ITGA11: variants seen among roughly 807,000 people sequenced by gnomAD.
ITGA11 encodes the protein integrin alpha-11.
In ITGA11, 97 loss-of-function variants were observed where a neutral mutation model predicts 141.9. The observed-to-expected ratio is 0.68, with a 90% CI of 0.58 to 0.81. The LOEUF (loss-of-function observed/expected upper bound fraction) is 0.81, where lower values mean the gene tolerates loss of function less well. Ranked by LOEUF, ITGA11 falls within the 30% of genes least tolerant of loss-of-function variation. The pLI is 0.00. For missense variants in ITGA11, 1,387 were observed against 1,559.2 expected (o/e 0.89, Z 1.86); for synonymous variants, 658 against 624.6 (o/e 1.05, Z -0.80).
rs781116408 is a variant in ITGA11 at position 68,358,530 on chromosome 15, G to A, written c.528C>T (p.Tyr176=). The change falls in exon 6 of 30, where the codon TAC becomes TAT. Residue 176 remains tyrosine, a synonymous_variant. Coordinates refer to ENST00000315757, the MANE Select transcript of ITGA11 (RefSeq NM_001004439.2). ...GGAAGTGCTGAACCTCCACCCAGGG[G>A]TAGATGCTGTTGGAGCCATCCAGGA... ...VIVLDGSNSI[Y]PWVEVQHFLI... The A allele has an allele frequency of 6.2e-7, 1 of 1,614,154 alleles. No individual in the cohort carries two copies. The highest frequency in any genetic ancestry group is 8.5e-7 in the Non-Finnish European group (1 of 1,179,996).
At position 68,357,134 on chromosome 15, in the gene ITGA11, T is replaced by C. The variant is rs756910164; in HGVS notation, c.749+17A>G. The C allele has an allele frequency of 6.2e-7, 1 of 1,603,996 alleles. No homozygotes were observed. Among genetic ancestry groups the C allele is most frequent in the Admixed American group, 1.7e-5 (1 of 57,208 alleles). On this transcript the variant is annotated intron_variant, in intron 7 of 29. Transcript: ENST00000315757. The stretch of plus-strand genomic sequence containing the variant: ...CTGAGATCTAAAAAAATTTTTTTTG[T>C]TCTACTTTTTTTTTACCGTGCAAAT...
chr15:68,326,815 C>A lies in ITGA11; in HGVS notation c.2069-19G>T. The stretch of plus-strand genomic sequence containing the variant: ...CTGATGCCTGCAGGAGGGGAGAGGG[C>A]AAGACCACAAAGGTGGAGCCACATG... On this transcript the variant is annotated intron_variant, in intron 16 of 29. Coordinates refer to ENST00000315757, the MANE Select transcript of ITGA11 (RefSeq NM_001004439.2). This position sits in a 1 kb window ranked among gnomAD's most constrained non-coding sequence, Gnocchi z 6.8. 6.4e-7 allele frequency: 1 copy of A among 1,567,546 alleles called. No individual in the cohort carries two copies. Among genetic ancestry groups the A allele is most frequent in the Admixed American group, 1.9e-5 (1 of 53,830 alleles).
In ITGA11 at chr15:68,320,222, T is replaced by C; in HGVS notation, c.2579A>G (p.Gln860Arg). ...NAYSTVLNIS[Q>R]SANLQFASLI... ...GCTGGCAAACTGCAGGTTTGCTGAC[T>C]GCGAGATATTTAGGACCGTGCTGTA... Residue 860 changes from glutamine to arginine, a missense_variant, in exon 20 of 30, where the codon CAG becomes CGG. Gln to Arg is a conservative substitution (Grantham distance 43). Transcript: ENST00000315757. 6.2e-7 allele frequency: 1 copy of C among 1,614,064 alleles called. No individual in the cohort carries two copies. The highest frequency in any genetic ancestry group is 1.1e-5 in the South Asian group (1 of 91,082).
At chr15:68,400,364 G>A (rs1391023832) in intron 2 of ITGA11, among the ~76,000 whole-genome samples, 1 of 150,628 alleles carries the variant, frequency 6.6e-6, no homozygotes, top group Admixed American at 6.7e-5. Flanking sequence ...GAGAGGTGAA[G>A]ATTTCTTAAA....
intron 2 of ITGA11, among the ~76,000 whole-genome samples, chr15:68,375,837 G>C (rs1895713467): frequency 6.6e-6 from 1 of 151,872 alleles, no homozygotes; most frequent in South Asian, 2.1e-4. Context: ...GTTTCTGTGA[G>C]GGTGTTTTTT....
At chr15:68,306,243 G>C (rs1259344222) in intron 28 of ITGA11, among the ~76,000 whole-genome samples, 1 of 151,050 alleles carries the variant, frequency 6.6e-6, no homozygotes, top group African/African-American at 2.4e-5. Flanking sequence ...AATTTTTTGG[G>C]GGGTTGAGTG....
At chr15:68,384,948 A>G (rs909992906) in intron 2 of ITGA11, among the ~76,000 whole-genome samples, 5 of 152,214 alleles carry the variant, frequency 3.3e-5, no homozygotes, top group Admixed American at 2.0e-4. Flanking sequence ...TGCTCAAACA[A>G]CAAGCCCCAG....
At chr15:68,343,656 C>A (rs1894641955) in intron 10 of ITGA11, among the ~76,000 whole-genome samples, 1 of 152,128 alleles carries the variant, frequency 6.6e-6, no homozygotes, top group Non-Finnish European at 1.5e-5. Flanking sequence ...CTAGAGGACA[C>A]CGAGGCTGTC....
At chr15:68,372,963 T>G (rs999029081) in intron 2 of ITGA11, among the ~76,000 whole-genome samples, 2 of 152,238 alleles carry the variant, frequency 1.3e-5, no homozygotes, top group African/African-American at 4.8e-5. Flanking sequence ...CAGCATAAAC[T>G]GTCCAATTTT....
At chr15:68,331,137 A>G (rs763305999) in intron 14 of ITGA11, 26 bp from the exon 15 acceptor site, 1 of 1,311,762 alleles carries the variant, frequency 7.6e-7, no homozygotes, top group South Asian at 1.2e-5. Context: ...AGAGAGGGGG[A>G]GGGCATGCAC....
chr15:68,370,372 G>C, intron 2 of ITGA11, among the ~76,000 whole-genome samples: 1 of 152,156 alleles, frequency 6.6e-6, no homozygotes, highest in Non-Finnish European at 1.5e-5. Context: ...CACCCCCACT[G>C]ATGCTGGGGA....
intron 12 of ITGA11, 65 bp from the exon 13 acceptor site, chr15:68,332,543 C>T: frequency 6.5e-7 from 1 of 1,543,602 alleles, no homozygotes; most frequent in Non-Finnish European, 8.8e-7. Flanking sequence ...AGAGCCCTCG[C>T]CTCGCGGGCA....
At chr15:68,380,426 A>G (rs1160694272) in intron 2 of ITGA11, among the ~76,000 whole-genome samples, 2 of 152,180 alleles carry the variant, frequency 1.3e-5, no homozygotes, top group East Asian at 3.9e-4. Context: ...AGCACTTGCT[A>G]TGTGCTGGGC....
intron 1 of ITGA11, among the ~76,000 whole-genome samples, chr15:68,413,359 G>A (rs1014014517): frequency 6.6e-5 from 10 of 152,058 alleles, no homozygotes; most frequent in Non-Finnish European, 1.0e-4. Flanking sequence ...TCCCCTCTAT[G>A]GCCCTTCAGT....
intron 5 of ITGA11, among the ~76,000 whole-genome samples, chr15:68,359,837 G>A (rs376081926): frequency 9.9e-5 from 15 of 152,114 alleles, no homozygotes; most frequent in Non-Finnish European, 1.2e-4. Flanking sequence ...TACACTCTGC[G>A]TCTGGGCATT....
rs549472690 is a variant in ITGA11 at position 68,343,607 on chromosome 15, G to A, written c.1132-3963C>T. Among the ~76,000 whole-genome samples the A allele has an allele frequency of 1.0e-3, 155 of 152,220 alleles. 3 individuals are homozygous for A. The highest frequency in any genetic ancestry group is 1.2e-3 in the Non-Finnish European group (83 of 68,012). On this transcript the variant is annotated intron_variant, in intron 10 of 29. Transcript: ENST00000315757. ...AAGACGATGGAGCCAGGTGGAGGTA[G>A]TCGCTGGTGGTGCTGTGGGCTGGTG... is the stretch of plus-strand genomic sequence containing the variant.
At chr15:68,383,748 T>C (rs997779659) in intron 2 of ITGA11, among the ~76,000 whole-genome samples, 11 of 152,196 alleles carry the variant, frequency 7.2e-5, no homozygotes, top group Non-Finnish European at 1.2e-4. Flanking sequence ...TTTCAACATT[T>C]CTTTATTCTC....
At position 68,303,739 on chromosome 15, in the gene ITGA11, G is replaced by A; in HGVS notation, c.3495+33C>T. The A allele has an allele frequency of 2.0e-6, 3 of 1,473,550 alleles. No individual in the cohort carries two copies. The highest frequency in any genetic ancestry group is 2.3e-5 in the South Asian group (2 of 86,710). The allele number at this position is 1,473,550 out of a possible 1,614,324, so 91.3% of individuals were successfully genotyped here. On this transcript the variant is annotated intron_variant, in intron 29 of 29. Coordinates refer to ENST00000315757, the MANE Select transcript of ITGA11 (RefSeq NM_001004439.2). The surrounding 1 kb of genome is among the most constrained non-coding windows in gnomAD (Gnocchi z 5.3). The stretch of plus-strand genomic sequence containing the variant: ...GGAGCCTGGGCCCACCAGCCAGGAT[G>A]CTGCTCCTTCCCTCCCCTGCCAGGG...
intron 7 of ITGA11, among the ~76,000 whole-genome samples, chr15:68,352,061 C>A (rs1319361037): frequency 6.9e-6 from 1 of 145,718 alleles, no homozygotes; most frequent in South Asian, 2.3e-4. Context: ...CCAGCCTGGG[C>A]GACAGAGTGA....
Sources: allele counts gnomAD v4.1 joint callset (sites outside exome capture counted in the v4.1 genomes callset), GRCh38; gene constraint gnomAD v4.1.1; non-coding constraint Gnocchi (gnomAD v3.1); transcripts MANE v1.5; gene names NCBI Gene and HGNC (gene_info 2026-07-23, HGNC 2026-07-21).